Variants in UPRT observed in about 807,000 individuals in gnomAD.
UPRT encodes RP11-311P8.3.
Under a neutral mutation model 22.6 loss-of-function variants are expected in UPRT, and 5 were observed. The ratio of observed to expected loss-of-function variants is 0.22; its 90% CI spans 0.12 to 0.47. UPRT has a LOEUF of 0.47. UPRT is among the 20% of genes least tolerant of loss of function. The probability of loss-of-function intolerance (pLI) is 0.99; values close to 1 mark genes in which losing one functional copy is unlikely to be tolerated. For synonymous variants in UPRT, 77 were observed against 87.7 expected, an observed-to-expected ratio of 0.88 and a Z score of 0.68; for missense variants, 181 against 239.9, an observed-to-expected ratio of 0.75 and a Z score of 1.62.
Position 75,217,858 on chromosome X carries a change from C to A in UPRT, c.-447+49979C>A, listed in dbSNP as rs1314532376. Among the ~76,000 whole-genome samples, 42 of 111,994 alleles carry A rather than the reference C, an allele frequency of 3.8e-4. No individual in the cohort carries two copies. The Admixed American group carries it at 3.9e-3, about 10-fold the overall frequency. On this transcript the variant is annotated intron_variant, in intron 4 of 13. Coordinates refer to the UPRT transcript ENST00000652605. ...GATGTAGAAAGCTGAAACTGGATCC[C>A]TTCCTTACACCTTATACAAAAATTA... is the stretch of plus-strand genomic sequence containing the variant.
chrX:75,210,276 G>A (rs1029044662), intron 4 of UPRT, among the ~76,000 whole-genome samples: 6 of 111,440 alleles, frequency 5.4e-5, no homozygotes, highest in Non-Finnish European at 9.4e-5. Flanking sequence ...CATGGGCCTG[G>A]GCATTCATCC....
chrX:75,274,325 C>T lies in UPRT; in HGVS notation c.71C>T (p.Pro24Leu). ...CAGCAAGTAAACTCTGCCTCAACCC[C>T]AAGTCCCGAGCAGCTGCGACCTGGC... ...HNQQVNSAST[P>L]SPEQLRPGDL... The change falls in exon 1 of 7, where the codon CCA becomes CTA. Residue 24 changes from proline to leucine, a missense_variant. By Grantham distance (98) the Pro-to-Leu change is moderately conservative. Transcript: ENST00000373383. The T allele has an allele frequency of 8.3e-7, 1 of 1,211,736 alleles. No homozygotes were observed. Among genetic ancestry groups the T allele is most frequent in the Non-Finnish European group, 1.1e-6 (1 of 895,488 alleles).
chrX:75,209,671 C>T (rs753048402), intron 4 of UPRT, among the ~76,000 whole-genome samples: 12 of 112,486 alleles, frequency 1.1e-4, no homozygotes, highest in Non-Finnish European at 1.9e-5. Flanking sequence ...CTGTTCCTGG[C>T]CCAGTGTTTC....
At chrX:75,273,220 G>T (rs996854095), upstream of UPRT, among the ~76,000 whole-genome samples, 2 of 110,743 alleles carry the variant, frequency 1.8e-5, no homozygotes, top group African/African-American at 6.6e-5. Context: ...AAGACAACTA[G>T]TGGGTACTAG....
At chrX:75,157,077 G>A (rs762725306) in intron 1 of UPRT, among the ~76,000 whole-genome samples, 41 of 112,108 alleles carry the variant, frequency 3.7e-4, no homozygotes, top group Non-Finnish European at 3.2e-4. Flanking sequence ...TTTAAAGACA[G>A]GCTTATATTC....
intron 4 of UPRT, among the ~76,000 whole-genome samples, chrX:75,172,226 C>G (rs1016973667): frequency 1.5e-4 from 17 of 110,935 alleles, no homozygotes; most frequent in African/African-American, 5.3e-4. Flanking sequence ...TAGGCATGTA[C>G]GAGCTCAGAC....
At chrX:75,180,681 GTTTTTTTTTTTTTGTTTTTTTTTTTT>G (rs1169604773) in intron 4 of UPRT, among the ~76,000 whole-genome samples, 1 of 43,895 alleles carries the variant, frequency 2.3e-5, no homozygotes, top group East Asian at 8.7e-4. Context: ...CCTTTTCTCT[GTTTTTTTTTTTTTGTTTTTTTTTTTT>G]TTTTTTTTTT....
At chrX:75,185,790 T>G (rs1469040579) in intron 4 of UPRT, among the ~76,000 whole-genome samples, 1 of 111,995 alleles carries the variant, frequency 8.9e-6, no homozygotes, top group Non-Finnish European at 1.9e-5. Context: ...TTCTTCTAGA[T>G]TTTCTAGTTT....
chrX:75,190,421 C>G (rs2082310995), intron 4 of UPRT, among the ~76,000 whole-genome samples: 1 of 111,879 alleles, frequency 8.9e-6, no homozygotes, highest in Non-Finnish European at 1.9e-5. Flanking sequence ...TTTTTTCCTT[C>G]ATTTCAACTT....
chrX:75,256,434 C>T (rs1250541840), intron 4 of UPRT, among the ~76,000 whole-genome samples: 1 of 111,123 alleles, frequency 9.0e-6, no homozygotes. Context: ...AACAGACAAT[C>T]TAAGATCACA....
At chrX:75,272,493 A>C (rs2082614585), upstream of UPRT, among the ~76,000 whole-genome samples, 1 of 107,386 alleles carries the variant, frequency 9.3e-6, no homozygotes, top group South Asian at 4.1e-4. Context: ...TGGAAAACCA[A>C]ACATTGTATG....
chrX:75,268,555 CTGT>C (rs1205668304), intron 4 of UPRT, among the ~76,000 whole-genome samples: 2 of 111,572 alleles, frequency 1.8e-5, no homozygotes, highest in African/African-American at 6.5e-5. Flanking sequence ...AAAAGCTTGT[CTGT>C]CACGATCAAG....
chrX:75,286,469 G>A (rs1032301212), intron 1 of UPRT, among the ~76,000 whole-genome samples: 3 of 111,526 alleles, frequency 2.7e-5, no homozygotes, highest in East Asian at 5.6e-4. Flanking sequence ...AATTAATTCA[G>A]TGCTACTAGC....
chrX:75,231,740 A>G (rs2082439052), intron 4 of UPRT, among the ~76,000 whole-genome samples: 1 of 112,376 alleles, frequency 8.9e-6, no homozygotes, highest in African/African-American at 3.2e-5. Context: ...TGTAAGATTA[A>G]CTGCAGATTT....
At chrX:75,189,434 G>A (rs1464969394) in intron 4 of UPRT, among the ~76,000 whole-genome samples, 1 of 111,953 alleles carries the variant, frequency 8.9e-6, no homozygotes, top group Non-Finnish European at 1.9e-5. Context: ...ATCACGTTGT[G>A]GTGCTGAGAA....
At chrX:75,180,705 T>G (rs1280773510) in intron 4 of UPRT, among the ~76,000 whole-genome samples, 79 of 95,451 alleles carry the variant, frequency 8.3e-4, no homozygotes, top group East Asian at 1.9e-3. Context: ...GTTTTTTTTT[T>G]TTTTTTTTTT....
chrX:75,209,441 T>C (rs950642021), intron 4 of UPRT, among the ~76,000 whole-genome samples: 8 of 111,862 alleles, frequency 7.2e-5, no homozygotes, highest in Non-Finnish European at 1.3e-4. Flanking sequence ...TGGCATGATC[T>C]CAGCTCACTG....
At position 75,303,528 on chromosome X, in the gene UPRT, A is replaced by T. The variant is rs2082751580; in HGVS notation, c.*17A>T. 1 of 1,093,132 alleles carries T rather than the reference A, an allele frequency of 9.1e-7. No homozygotes were observed. Among genetic ancestry groups the T allele is most frequent in the Admixed American group, 2.5e-5 (1 of 39,765 alleles). 90.1% of individuals were successfully genotyped at this position (1,093,132 alleles called of 1,213,427 possible). ...ACAGACTAAGTTATTTAAGTAAAAT[A>T]ATTATCTTATGTAATATTACAATCA... On this transcript the variant is annotated 3_prime_UTR_variant, in exon 7 of 7. Transcript: ENST00000373383.
At chrX:75,181,213 G>A (rs1490458319) in intron 4 of UPRT, among the ~76,000 whole-genome samples, 1 of 110,829 alleles carries the variant, frequency 9.0e-6, no homozygotes, top group Admixed American at 9.6e-5. Flanking sequence ...ATTGGTGTAC[G>A]TGTCTGTTTT....
Sources: allele counts gnomAD v4.1 joint callset (sites outside exome capture counted in the v4.1 genomes callset), GRCh38; gene constraint gnomAD v4.1.1; transcripts MANE v1.5; gene names NCBI Gene and HGNC (gene_info 2026-07-23, HGNC 2026-07-21).